SNRPN: variants seen among roughly 807,000 people sequenced by gnomAD.
SNRPN encodes the protein small nuclear ribonucleoprotein polypeptide N, also known as small nuclear ribonucleoprotein-associated protein N.
In SNRPN, 7 loss-of-function variants were observed where a neutral mutation model predicts 25.2. The observed-to-expected ratio is 0.28, with a 90% CI of 0.16 to 0.52. The LOEUF (loss-of-function observed/expected upper bound fraction) is 0.52, where lower values mean the gene tolerates loss of function less well. Ranked by LOEUF, SNRPN falls within the 20% of genes least tolerant of loss-of-function variation. The probability of loss-of-function intolerance (pLI) is 0.96; values close to 1 mark genes in which losing one functional copy is unlikely to be tolerated. For missense variants in SNRPN, 196 were observed against 322.5 expected (o/e 0.61, Z 3.00); for synonymous variants, 124 against 110.6 (o/e 1.12, Z -0.76).
At chr15:24,902,890 G>C (rs1333085697) in intron 2 of SNRPN, among the ~76,000 whole-genome samples, 2 of 152,218 alleles carry the variant, frequency 1.3e-5, no homozygotes, top group African/African-American at 4.8e-5. Context: ...AGCGTGGAAA[G>C]GGACCCCAGT....
chr15:24,900,620 A>G (rs930145856), intron 2 of SNRPN, among the ~76,000 whole-genome samples: 23 of 152,208 alleles, frequency 1.5e-4, no homozygotes, highest in African/African-American at 5.5e-4. Flanking sequence ...ATAGCAACCT[A>G]TTCCTAAGGG....
At chr15:24,933,737 TG>T (rs1490283451) in intron 3 of SNRPN, among the ~76,000 whole-genome samples, 3 of 152,068 alleles carry the variant, frequency 2.0e-5, no homozygotes, top group African/African-American at 7.2e-5. Context: ...GGAGACAAGG[TG>T]TGGGGTCTAC....
chr15:24,847,526 A>G (rs887782214), intron 2 of SNRPN, among the ~76,000 whole-genome samples: 6 of 152,202 alleles, frequency 3.9e-5, no homozygotes, highest in Middle Eastern at 6.8e-3. Flanking sequence ...TGTAATCCCA[A>G]CTACTGGGAG....
rs538263606 is a variant in SNRPN at position 24,920,285 on chromosome 15, C to T, written c.-391+161C>T. On this transcript the variant is annotated intron_variant, in intron 3 of 11. Transcript: ENST00000400097. The stretch of plus-strand genomic sequence containing the variant: ...GCTCAAGCCGTGTTCATTTTAATTA[C>T]GATTTAACTGCATAATTTAATTATT... 1.2e-3 allele frequency among the ~76,000 whole-genome samples: 183 copies of T among 152,220 alleles called. 1 individual carries two copies. The highest frequency in any genetic ancestry group is 2.0e-3 in the Non-Finnish European group (137 of 68,012).
rs1460921830 is a variant in SNRPN at position 24,968,028 on chromosome 15, A to C, written c.-198A>C. On this transcript the variant is annotated 5_prime_UTR_variant, in exon 3 of 10. Coordinates refer to ENST00000390687, the MANE Select transcript of SNRPN (RefSeq NM_003097.6). ...AGGCATTCTTAGCTGAGACACCAAGAGGTGGTTAAAGCCATATTGGAGTAG... is the reference window on the plus strand; with the variant it reads ...AGGCATTCTTAGCTGAGACACCAAGCGGTGGTTAAAGCCATATTGGAGTAG... The C allele has an allele frequency of 6.2e-7, 1 of 1,613,960 alleles. No individual in the cohort carries two copies. Among genetic ancestry groups the C allele is most frequent in the Non-Finnish European group, 8.5e-7 (1 of 1,179,980 alleles).
intron 2 of SNRPN, among the ~76,000 whole-genome samples, chr15:24,907,332 T>C (rs1595830277): frequency 6.6e-6 from 1 of 152,080 alleles, no homozygotes; most frequent in African/African-American, 2.4e-5. Context: ...GCATGGTGGC[T>C]TATGCCTGTA....
At chr15:24,870,075 G>A (rs1481753504) in intron 1 of SNRPN, among the ~76,000 whole-genome samples, 1 of 152,092 alleles carries the variant, frequency 6.6e-6, no homozygotes, top group Admixed American at 6.5e-5. Flanking sequence ...TTTTGAAATA[G>A]CCACATTATT....
At chr15:24,966,524 C>T (rs2075664139) in intron 2 of SNRPN, among the ~76,000 whole-genome samples, 1 of 152,152 alleles carries the variant, frequency 6.6e-6, no homozygotes, top group Admixed American at 6.5e-5. Flanking sequence ...CCCAGGAGGG[C>T]TTGCTCAAAA....
At chr15:24,891,893 A>G (rs565043896) in intron 2 of SNRPN, among the ~76,000 whole-genome samples, 1 of 152,340 alleles carries the variant, frequency 6.6e-6, no homozygotes, top group East Asian at 1.9e-4. Context: ...TCAGAAACAC[A>G]TAGTAATACA....
At chr15:24,928,789 A>G (rs962520310) in intron 3 of SNRPN, among the ~76,000 whole-genome samples, 14 of 151,820 alleles carry the variant, frequency 9.2e-5, no homozygotes, top group East Asian at 1.9e-4. Context: ...TTAATTTTCT[A>G]TAAAGGTGGG....
chr15:24,862,233 C>T (rs1027055970), intron 1 of SNRPN, among the ~76,000 whole-genome samples: 32 of 151,044 alleles, frequency 2.1e-4, no homozygotes, highest in East Asian at 1.2e-3. Flanking sequence ...TTAATGTAAG[C>T]GAATTTTAGA....
intron 3 of SNRPN, among the ~76,000 whole-genome samples, chr15:24,935,756 G>A (rs569120971): frequency 6.6e-6 from 1 of 152,252 alleles, no homozygotes; most frequent in East Asian, 1.9e-4. Context: ...TTGAGCATAA[G>A]AAAGTCCTTC....
intron 2 of SNRPN, among the ~76,000 whole-genome samples, chr15:24,903,494 A>G (rs376759994): frequency 6.6e-6 from 1 of 152,208 alleles, no homozygotes; most frequent in African/African-American, 2.4e-5. Flanking sequence ...AAAAACTTGC[A>G]TCATTCTCTT....
At chr15:24,970,299 G>A (rs1343054801) in intron 3 of SNRPN, among the ~76,000 whole-genome samples, 2 of 152,206 alleles carry the variant, frequency 1.3e-5, no homozygotes, top group Non-Finnish European at 2.9e-5. Context: ...TATTAATGTG[G>A]CCGGGTGTGG....
At chr15:24,923,437 A>G (rs1354515284) in intron 3 of SNRPN, among the ~76,000 whole-genome samples, 2 of 152,188 alleles carry the variant, frequency 1.3e-5, no homozygotes, top group African/African-American at 4.8e-5. Context: ...CTACAAAACC[A>G]TGTGTACCTT....
At chr15:24,938,060 T>C (rs886431763) in intron 3 of SNRPN, among the ~76,000 whole-genome samples, 9 of 152,134 alleles carry the variant, frequency 5.9e-5, no homozygotes, top group Non-Finnish European at 1.0e-4. Context: ...ATGCAAATAA[T>C]GCTGCTATGA....
At chr15:24,871,255 G>T (rs937252487) in intron 1 of SNRPN, among the ~76,000 whole-genome samples, 8 of 151,804 alleles carry the variant, frequency 5.3e-5, no homozygotes, top group African/African-American at 1.7e-4. Context: ...GTTATGCAGG[G>T]TTTCAAAAAC....
chr15:24,956,771 G>A (rs949676553), intron 1 of SNRPN, among the ~76,000 whole-genome samples: 6 of 152,168 alleles, frequency 3.9e-5, no homozygotes, highest in Non-Finnish European at 7.4e-5. Context: ...TACCCACGGT[G>A]CAGCAGTAGA....
intron 3 of SNRPN, among the ~76,000 whole-genome samples, chr15:24,949,457 C>T (rs943045296): frequency 6.6e-6 from 1 of 151,426 alleles, no homozygotes; most frequent in Admixed American, 6.6e-5. Context: ...GGAGACCTCT[C>T]TGGGCAACAT....
Sources: allele counts gnomAD v4.1 joint callset (sites outside exome capture counted in the v4.1 genomes callset), GRCh38; gene constraint gnomAD v4.1.1; transcripts MANE v1.5; gene names NCBI Gene and HGNC (gene_info 2026-07-23, HGNC 2026-07-21).